PLSCR2: variants seen among roughly 807,000 people sequenced by gnomAD.
PLSCR2 encodes phospholipid scramblase 2.
PLSCR2 carries 18 observed loss-of-function variants against 25.3 expected under a neutral mutation model. That is an observed-to-expected ratio of 0.71 (90% CI 0.49 to 1.06). The LOEUF is 1.06. Ranked by LOEUF, PLSCR2 falls within the 50% of genes least tolerant of loss-of-function variation. The probability of loss-of-function intolerance (pLI) is 0.00; values close to 1 mark genes in which losing one functional copy is unlikely to be tolerated. For missense variants in PLSCR2, 243 were observed against 269.5 expected, an observed-to-expected ratio of 0.90 and a Z score of 0.69; for synonymous variants, 88 against 87.3, an observed-to-expected ratio of 1.01 and a Z score of -0.04.
At chr3:146,444,225 T>A (rs75537396) in intron 6 of PLSCR2, among the ~76,000 whole-genome samples, 1,524 of 152,124 alleles carry the variant, frequency 0.01, 27 homozygotes, top group African/African-American at 0.035. Context: ...ATGAGATGAA[T>A]GTGTATTCTA....
In PLSCR2 at chr3:146,469,520, G is replaced by T. The variant is rs1415247774; in HGVS notation, c.-292-9236C>A. Reference sequence around the variant, plus strand: ...CCGTGGCTGCAGCTGCTCCCGCACAGCCCTGAGCGAGCCGAGGTCCTAGCG... The same window carrying T: ...CCGTGGCTGCAGCTGCTCCCGCACATCCCTGAGCGAGCCGAGGTCCTAGCG... On this transcript the variant is annotated intron_variant, in intron 1 of 8. The change creates a new upstream start codon in the 5' untranslated region. Coordinates refer to the PLSCR2 transcript ENST00000336685. 3.0e-6 allele frequency: 3 copies of T among 985,246 alleles called. No individual in the cohort carries two copies. In the African/African-American group the frequency reaches 5.2e-5, roughly 17 times the overall value. 61.0% of individuals were successfully genotyped at this position (985,246 alleles called of 1,614,324 possible).
intron 2 of PLSCR2, among the ~76,000 whole-genome samples, chr3:146,427,053 C>G (rs1359355147): frequency 6.6e-6 from 1 of 152,168 alleles, no homozygotes; most frequent in Non-Finnish European, 1.5e-5. Context: ...ATACAATTCT[C>G]CACTTTTTAT....
At chr3:146,458,294 T>C (rs1022738227) in intron 3 of PLSCR2, 117 bp downstream of exon 3, 2 of 785,292 alleles carry the variant, frequency 2.5e-6, no homozygotes, top group African/African-American at 1.8e-5. Flanking sequence ...CATTCGTAAA[T>C]AGTCAGTTTT....
At chr3:146,413,877 C>T (rs1311978312) in intron 2 of PLSCR2, among the ~76,000 whole-genome samples, 2 of 152,208 alleles carry the variant, frequency 1.3e-5, no homozygotes, top group African/African-American at 4.8e-5. Flanking sequence ...AAGCTGCTTC[C>T]ACATTTTCAT....
At chr3:146,407,340 T>C (rs1312404597) in intron 2 of PLSCR2, among the ~76,000 whole-genome samples, 1 of 152,210 alleles carries the variant, frequency 6.6e-6, no homozygotes, top group Non-Finnish European at 1.5e-5. Context: ...ACTGCTGTGC[T>C]GGAAGTTTTG....
At chr3:146,480,049 A>G (rs2043074697) in intron 1 of PLSCR2, among the ~76,000 whole-genome samples, 3 of 152,226 alleles carry the variant, frequency 2.0e-5, no homozygotes, top group Admixed American at 6.5e-5. Context: ...GAGAACAAAG[A>G]CAAAGTGTAC....
At chr3:146,423,275 C>A (rs2039219734) in intron 2 of PLSCR2, among the ~76,000 whole-genome samples, 1 of 140,386 alleles carries the variant, frequency 7.1e-6, no homozygotes, top group Non-Finnish European at 1.5e-5. Flanking sequence ...CTCTCTCTCT[C>A]TCTCTCTCCC....
intron 3 of PLSCR2, among the ~76,000 whole-genome samples, chr3:146,394,519 C>G (rs1576548672): frequency 6.6e-6 from 1 of 152,030 alleles, no homozygotes; most frequent in African/African-American, 2.4e-5. Flanking sequence ...GCCCACCTCG[C>G]CCTCCCAAAG....
At chr3:146,421,718 T>C (rs1255379368) in intron 2 of PLSCR2, among the ~76,000 whole-genome samples, 2 of 152,138 alleles carry the variant, frequency 1.3e-5, no homozygotes, top group African/African-American at 4.8e-5. Flanking sequence ...AATACTCACA[T>C]GTGTTTATAA....
intron 3 of PLSCR2, among the ~76,000 whole-genome samples, chr3:146,392,623 T>A (rs1401356133): frequency 7.9e-6 from 1 of 127,026 alleles, no homozygotes; most frequent in African/African-American, 2.7e-5. Context: ...TTATTTTCCT[T>A]ATTTCCTATA....
intron 1 of PLSCR2, chr3:146,469,554 T>C (rs1423504165): frequency 1.0e-6 from 1 of 985,244 alleles, no homozygotes; most frequent in East Asian, 1.1e-4. Flanking sequence ...CGTGGCTTCC[T>C]CCCGTCTGCC....
intron 1 of PLSCR2, 133 bp from the exon 1 acceptor site, chr3:146,469,694 G>C: frequency 2.5e-6 from 1 of 402,288 alleles, no homozygotes; most frequent in South Asian, 1.0e-4. Context: ...GGTACAACAA[G>C]GCTTCCCTCC....
At chr3:146,488,087 C>T (rs1324280622) in intron 1 of PLSCR2, among the ~76,000 whole-genome samples, 1 of 151,934 alleles carries the variant, frequency 6.6e-6, no homozygotes, top group Non-Finnish European at 1.5e-5. Flanking sequence ...GAAAATTATT[C>T]CCTATTTAAT....
intron 3 of PLSCR2, among the ~76,000 whole-genome samples, chr3:146,392,409 A>AT (rs1479955107): frequency 6.6e-6 from 1 of 151,720 alleles, no homozygotes; most frequent in African/African-American, 2.4e-5. Context: ...TTTATCCTTT[A>AT]TTTTTTGCTT....
At chr3:146,412,781 G>A (rs1025861773) in intron 2 of PLSCR2, among the ~76,000 whole-genome samples, 5 of 152,044 alleles carry the variant, frequency 3.3e-5, no homozygotes, top group African/African-American at 9.7e-5. Flanking sequence ...GGGTTGGACC[G>A]CACAGTCTAA....
intron 1 of PLSCR2, 112 bp from the exon 1 acceptor site, chr3:146,469,673 T>G (rs2042032483): frequency 6.8e-6 from 4 of 590,340 alleles, no homozygotes; most frequent in African/African-American, 6.0e-5. Context: ...TTTAGGTTTC[T>G]GGACCCCAAG....
intron 1 of PLSCR2, among the ~76,000 whole-genome samples, chr3:146,483,479 G>GTATATATATATATATATATATA (rs56655616): frequency 1.3e-4 from 7 of 54,832 alleles, no homozygotes; most frequent in African/African-American, 5.9e-4. Context: ...ATATACATGT[G>GTATATATATATATATATATATA]TATATATATA....
intron 2 of PLSCR2, among the ~76,000 whole-genome samples, chr3:146,404,411 T>C (rs970764135): frequency 1.3e-5 from 2 of 152,196 alleles, no homozygotes; most frequent in African/African-American, 2.4e-5. Context: ...ACTCCTGCCA[T>C]AATGGCAACA....
intron 1 of PLSCR2, among the ~76,000 whole-genome samples, chr3:146,485,225 A>C (rs2043298249): frequency 6.6e-6 from 1 of 152,120 alleles, no homozygotes; most frequent in Non-Finnish European, 1.5e-5. Context: ...AATGGTAAAG[A>C]GATGAATTCA....
Sources: gnomAD v4.1 joint callset for allele counts (sites outside exome capture counted in the v4.1 genomes callset) on GRCh38, gnomAD v4.1.1 for gene constraint, MANE v1.5 for transcripts, NCBI Gene and HGNC (gene_info 2026-07-23, HGNC 2026-07-21) for gene names.